The following CLNK variants were observed in gnomAD, a reference collection of about 807,000 sequenced individuals.
CLNK encodes cytokine-dependent hematopoietic cell linker.
A neutral mutation model predicts 68.6 loss-of-function variants in CLNK; 74 were observed. The ratio of observed to expected loss-of-function variants is 1.08; its 90% CI spans 0.89 to 1.31. The LOEUF (loss-of-function observed/expected upper bound fraction) is 1.31. CLNK is among the 50% of genes most tolerant of loss of function. The pLI is 0.00. For synonymous variants in CLNK, 198 were observed against 172.2 expected, an observed-to-expected ratio of 1.15 and a Z score of -1.17; for missense variants, 553 against 515.3, an observed-to-expected ratio of 1.07 and a Z score of -0.71.
At chr4:10,571,617 T>G in intron 5 of CLNK, 124 bp downstream of exon 5, 1 of 757,378 alleles carries the variant, frequency 1.3e-6, no homozygotes, top group South Asian at 1.6e-5. Flanking sequence ...ATTACAGGTG[T>G]GAACCACTGC....
At chr4:10,604,568 G>T (rs1400474615) in intron 2 of CLNK, among the ~76,000 whole-genome samples, 1 of 151,830 alleles carries the variant, frequency 6.6e-6, no homozygotes. Flanking sequence ...GCACAAAAAG[G>T]CTTCTTGTCA....
chr4:10,654,684 G>A, intron 2 of CLNK, among the ~76,000 whole-genome samples: 1 of 151,816 alleles, frequency 6.6e-6, no homozygotes, highest in Admixed American at 6.6e-5. Flanking sequence ...TATTCGAATT[G>A]ATAAAACTTT....
intron 11 of CLNK, among the ~76,000 whole-genome samples, chr4:10,533,945 C>T (rs1418494371): frequency 1.3e-5 from 2 of 151,904 alleles, no homozygotes; most frequent in Non-Finnish European, 2.9e-5. Flanking sequence ...TTAAACCTAC[C>T]CTGTCAACAT....
chr4:10,630,582 G>A (rs568019306), intron 2 of CLNK, among the ~76,000 whole-genome samples: 65 of 152,136 alleles, frequency 4.3e-4, no homozygotes, highest in Non-Finnish European at 6.8e-4. Flanking sequence ...ATTAATTATA[G>A]CACTATAGAG....
chr4:10,547,326 T>C (rs1447885684), intron 8 of CLNK, among the ~76,000 whole-genome samples: 2 of 152,124 alleles, frequency 1.3e-5, no homozygotes, highest in African/African-American at 4.8e-5. Context: ...ATCACTGACA[T>C]AGAAGAGCTT....
In CLNK at chr4:10,488,995, C is replaced by T. The variant is rs1716450838; in HGVS notation, c.*1472G>A. 1 of 152,106 alleles carries T rather than the reference C, an allele frequency of 6.6e-6. No homozygotes were observed. Among genetic ancestry groups the T allele is most frequent in the African/African-American group, 2.4e-5 (1 of 41,390 alleles). 9.4% of individuals were successfully genotyped at this position (152,106 alleles called of 1,614,324 possible). ...TGTTTTTTAAAAAAGCTTATTCCCA[C>T]TAGAAGAGTTTATTTATTTTAAGGT... On this transcript the variant is annotated 3_prime_UTR_variant, in exon 19 of 19. Coordinates refer to ENST00000226951, the MANE Select transcript of CLNK (RefSeq NM_052964.4).
At chr4:10,534,328 G>A (rs1560205069) in intron 11 of CLNK, among the ~76,000 whole-genome samples, 1 of 152,162 alleles carries the variant, frequency 6.6e-6, no homozygotes. Context: ...AGTTCTGTCT[G>A]CTGAAGATGG....
At chr4:10,556,000 C>A (rs866818179) in intron 8 of CLNK, among the ~76,000 whole-genome samples, 14 of 152,186 alleles carry the variant, frequency 9.2e-5, no homozygotes, top group African/African-American at 3.4e-4. Context: ...TTCTATACAA[C>A]CTGCCCCACC....
At chr4:10,687,328 A>C (rs1290901588), upstream of CLNK, among the ~76,000 whole-genome samples, 1 of 152,216 alleles carries the variant, frequency 6.6e-6, no homozygotes, top group Non-Finnish European at 1.5e-5. Context: ...AGGGCTCTGA[A>C]ACAAATAGGA....
intron 8 of CLNK, among the ~76,000 whole-genome samples, chr4:10,555,684 T>C (rs1393507375): frequency 1.3e-5 from 2 of 152,224 alleles, no homozygotes; most frequent in African/African-American, 2.4e-5. Context: ...AATATCACCA[T>C]AAAATCTGCC....
intron 1 of CLNK, among the ~76,000 whole-genome samples, chr4:10,681,931 G>T (rs924130663): frequency 2.6e-5 from 4 of 152,202 alleles, no homozygotes; most frequent in East Asian, 1.9e-4. Context: ...AGTGAGAAAT[G>T]ATGAGCGTTT....
At chr4:10,596,157 C>G (rs1056019390) in intron 3 of CLNK, among the ~76,000 whole-genome samples, 1 of 152,206 alleles carries the variant, frequency 6.6e-6, no homozygotes. Flanking sequence ...TCCCAAGTAG[C>G]TCGGATTACA....
chr4:10,661,757 G>C (rs1282611021), intron 2 of CLNK, among the ~76,000 whole-genome samples: 1 of 152,288 alleles, frequency 6.6e-6, no homozygotes, highest in East Asian at 1.9e-4. Flanking sequence ...ACATTGACTT[G>C]AAGGTGACTT....
intron 3 of CLNK, among the ~76,000 whole-genome samples, chr4:10,588,039 C>G (rs979449215): frequency 6.6e-6 from 1 of 152,168 alleles, no homozygotes; most frequent in Non-Finnish European, 1.5e-5. Flanking sequence ...TCTCTGATGT[C>G]TTGGTCTTTG....
intron 5 of CLNK, among the ~76,000 whole-genome samples, 156 bp downstream of exon 5, chr4:10,571,585 C>T (rs1309698210): frequency 6.6e-6 from 1 of 152,154 alleles, no homozygotes; most frequent in Non-Finnish European, 1.5e-5. Flanking sequence ...ATCTGCCCGC[C>T]TTGGCCTCCC....
chr4:10,605,388 A>G (rs764791414), intron 2 of CLNK, among the ~76,000 whole-genome samples: 1 of 152,204 alleles, frequency 6.6e-6, no homozygotes, highest in Non-Finnish European at 1.5e-5. Context: ...GTGATACGGT[A>G]TAGCCTATTG....
At chr4:10,597,931 A>C (rs1721445446) in intron 3 of CLNK, 47 bp downstream of exon 3, 3 of 1,292,618 alleles carry the variant, frequency 2.3e-6, no homozygotes, top group East Asian at 2.5e-5. Context: ...TTTGCTACAG[A>C]ATTAAAATTT....
chr4:10,622,549 G>C (rs1248312849), intron 2 of CLNK, among the ~76,000 whole-genome samples: 1 of 152,130 alleles, frequency 6.6e-6, no homozygotes, highest in Admixed American at 6.6e-5. Flanking sequence ...GACAGAAAGG[G>C]GGCACCCACA....
At chr4:10,564,597 G>T in intron 7 of CLNK, 74 bp downstream of exon 7, 1 of 1,013,426 alleles carries the variant, frequency 9.9e-7, no homozygotes. Context: ...TGGGGGACAG[G>T]AGATGGGGCA....
Sources: gnomAD v4.1 joint callset for allele counts (sites outside exome capture counted in the v4.1 genomes callset) on GRCh38, gnomAD v4.1.1 for gene constraint, MANE v1.5 for transcripts, NCBI Gene and HGNC (gene_info 2026-07-23, HGNC 2026-07-21) for gene names.